ADCY9: variants seen among roughly 807,000 people sequenced by gnomAD.
ADCY9 encodes the protein adenylate cyclase type 9.
A neutral mutation model predicts 101.5 loss-of-function variants in ADCY9; 50 were observed. That is an observed-to-expected ratio of 0.49 (90% confidence interval 0.39 to 0.62). The LOEUF is 0.62. Ranked by LOEUF, ADCY9 falls within the 20% of genes least tolerant of loss-of-function variation. ADCY9 has a pLI of 0.00. For synonymous variants in ADCY9, 905 were observed against 769.3 expected (o/e 1.18, Z -2.92); for missense variants, 1,662 against 1,800.4 (o/e 0.92, Z 1.39).
intron 7 of ADCY9, among the ~76,000 whole-genome samples, chr16:3,980,990 T>C (rs1347138500): frequency 6.6e-6 from 1 of 152,178 alleles, no homozygotes; most frequent in Non-Finnish European, 1.5e-5. Flanking sequence ...GCGCCTGGCT[T>C]TCCTCCTGTA....
chr16:3,977,119 G>C (rs954539391), intron 9 of ADCY9, among the ~76,000 whole-genome samples: 2 of 152,120 alleles, frequency 1.3e-5, no homozygotes, highest in African/African-American at 2.4e-5. Flanking sequence ...CTGCAGCTCC[G>C]CTCTTTCATG....
chr16:4,076,165 A>G (rs939363477), intron 2 of ADCY9, among the ~76,000 whole-genome samples: 12 of 152,192 alleles, frequency 7.9e-5, no homozygotes, highest in African/African-American at 2.7e-4. Context: ...GTGAACAGCC[A>G]CTGTACTGCA....
chr16:3,973,021 T>C (rs2601783), intron 10 of ADCY9, among the ~76,000 whole-genome samples: 146,077 of 152,194 alleles, frequency 0.96, 70,368 homozygotes, highest in East Asian at 1. Flanking sequence ...GTATAAATCT[T>C]GTACATATTT....
intron 7 of ADCY9, among the ~76,000 whole-genome samples, chr16:3,981,231 G>A (rs745400679): frequency 6.6e-6 from 1 of 152,140 alleles, no homozygotes; most frequent in Non-Finnish European, 1.5e-5. Context: ...CAGTTCCAGC[G>A]CACCTCACCC....
chr16:4,108,610 G>C (rs2057093579), intron 2 of ADCY9, among the ~76,000 whole-genome samples: 1 of 151,528 alleles, frequency 6.6e-6, no homozygotes, highest in Admixed American at 6.6e-5. Context: ...CTGACCTCCT[G>C]ATCTGCCCAC....
intron 2 of ADCY9, among the ~76,000 whole-genome samples, chr16:4,091,746 C>A (rs952906366): frequency 2.0e-5 from 3 of 152,172 alleles, no homozygotes; most frequent in Non-Finnish European, 2.9e-5. Flanking sequence ...TAAGAAACGC[C>A]CAGACTCGGT....
chr16:3,995,370 G>A (rs1260006098), intron 3 of ADCY9, among the ~76,000 whole-genome samples: 2 of 152,162 alleles, frequency 1.3e-5, no homozygotes, highest in African/African-American at 4.8e-5. Context: ...CAAGGCCGCA[G>A]TGAGCTTTGA....
chr16:4,029,110 T>G (rs529962239), intron 2 of ADCY9, among the ~76,000 whole-genome samples: 196 of 152,234 alleles, frequency 1.3e-3, no homozygotes, highest in African/African-American at 4.5e-3. Flanking sequence ...AAGTAAAACT[T>G]GATCCCTACC....
At chr16:4,025,579 G>A (rs1026466202) in intron 2 of ADCY9, among the ~76,000 whole-genome samples, 10 of 152,126 alleles carry the variant, frequency 6.6e-5, no homozygotes, top group Admixed American at 2.0e-4. Context: ...AGGCACACGC[G>A]GTCAGTCCTT....
intron 2 of ADCY9, among the ~76,000 whole-genome samples, chr16:4,079,492 C>A (rs1209218108): frequency 6.6e-6 from 1 of 152,122 alleles, no homozygotes; most frequent in Non-Finnish European, 1.5e-5. Context: ...TCTCTTGAAC[C>A]CGGGAGGCAG....
At chr16:4,046,780 C>G (rs2056667671) in intron 2 of ADCY9, among the ~76,000 whole-genome samples, 1 of 152,054 alleles carries the variant, frequency 6.6e-6, no homozygotes, top group Non-Finnish European at 1.5e-5. Flanking sequence ...TCGCTAGAGC[C>G]CAGAAGTTCG....
chr16:3,991,464 C>A (rs1039614586), intron 5 of ADCY9, among the ~76,000 whole-genome samples: 3 of 151,914 alleles, frequency 2.0e-5, no homozygotes, highest in African/African-American at 4.8e-5. Flanking sequence ...CTGTATTTTT[C>A]AAAAATGTTA....
chr16:4,087,619 G>A (rs2056947657), intron 2 of ADCY9, among the ~76,000 whole-genome samples: 1 of 151,480 alleles, frequency 6.6e-6, no homozygotes, highest in South Asian at 2.1e-4. Context: ...GTTCAGGGAG[G>A]GCACTGAGTC....
At chr16:4,022,841 C>T (rs1196356507) in intron 2 of ADCY9, among the ~76,000 whole-genome samples, 1 of 152,128 alleles carries the variant, frequency 6.6e-6, no homozygotes, top group Non-Finnish European at 1.5e-5. Context: ...AATTTCTTAA[C>T]AACTTTTATC....
intron 2 of ADCY9, among the ~76,000 whole-genome samples, chr16:4,035,987 A>G (rs1226509982): frequency 7.6e-6 from 1 of 131,264 alleles, no homozygotes; most frequent in East Asian, 2.2e-4. Context: ...CAAATGAGTG[A>G]AACTCCATCT....
At position 4,006,685 on chromosome 16, in the gene ADCY9, G is replaced by A. The variant is rs375208293; in HGVS notation, c.1884+683C>T. Among the ~76,000 whole-genome samples, 18 of 152,350 alleles carry A rather than the reference G, an allele frequency of 1.2e-4. No individual in the cohort carries two copies. In the East Asian group the frequency reaches 2.3e-3, roughly 20 times the overall value. ...GATGTTTAAACTATAAAAATAAACA[G>A]AAGGTACCAGTGGGGAAACTAAATC... On this transcript the variant is annotated intron_variant, in intron 3 of 10. Coordinates refer to ENST00000294016, the MANE Select transcript of ADCY9 (RefSeq NM_001116.4).
chr16:4,060,395 C>T (rs2141159900), intron 2 of ADCY9, among the ~76,000 whole-genome samples: 1 of 152,268 alleles, frequency 6.6e-6, no homozygotes, highest in East Asian at 1.9e-4. Flanking sequence ...CTACCCCACG[C>T]ACAAAGGAGG....
rs1597138187 is a variant in ADCY9 at position 3,975,880 on chromosome 16, T to TA, written c.2829-1171dup. On this transcript the variant is annotated intron_variant, in intron 9 of 10. Coordinates refer to ENST00000294016, the MANE Select transcript of ADCY9 (RefSeq NM_001116.4). ...ATATTTGAATAAATTGTTCACTGCTTACATTCTGTTATACAAGGTATTACT... is the reference window on the plus strand; with the variant it reads ...ATATTTGAATAAATTGTTCACTGCTTAACATTCTGTTATACAAGGTATTACT... 2.0e-5 allele frequency among the ~76,000 whole-genome samples: 3 copies of TA among 152,390 alleles called. No homozygotes were observed. The East Asian group carries it at 5.8e-4, about 29-fold the overall frequency.
chr16:3,979,649 C>CG (rs2056124091), intron 7 of ADCY9, among the ~76,000 whole-genome samples: 1 of 152,232 alleles, frequency 6.6e-6, no homozygotes, highest in Admixed American at 6.5e-5. Context: ...GAGGTCTTGA[C>CG]GGGGGCAGCT....
Sources: gnomAD v4.1 joint callset for allele counts (sites outside exome capture counted in the v4.1 genomes callset) on GRCh38, gnomAD v4.1.1 for gene constraint, MANE v1.5 for transcripts, NCBI Gene and HGNC (gene_info 2026-07-23, HGNC 2026-07-21) for gene names.